Variants in CCDC172 observed in about 807,000 individuals in gnomAD.
CCDC172 encodes the protein coiled-coil domain containing 172, also known as coiled-coil domain-containing protein 172.
CCDC172 carries 30 observed loss-of-function variants against 38.0 expected under a neutral mutation model. The observed-to-expected ratio is 0.79, with a 90% CI of 0.59 to 1.07. The LOEUF is 1.07. Ranked by LOEUF, CCDC172 falls within the 50% of genes least tolerant of loss-of-function variation. The probability of loss-of-function intolerance (pLI) is 0.00; values close to 1 mark genes in which losing one functional copy is unlikely to be tolerated. For missense variants in CCDC172, 297 were observed against 290.1 expected, an observed-to-expected ratio of 1.02 and a Z score of -0.17; for synonymous variants, 78 against 88.3, an observed-to-expected ratio of 0.88 and a Z score of 0.66.
chr10:116,351,755 A>C (rs1317041696), intron 5 of CCDC172, among the ~76,000 whole-genome samples: 2 of 152,222 alleles, frequency 1.3e-5, no homozygotes, highest in African/African-American at 4.8e-5. Flanking sequence ...AGGGAAACAA[A>C]TGAGGTAAGC....
intron 7 of CCDC172, among the ~76,000 whole-genome samples, chr10:116,376,086 G>A (rs1372426753): frequency 6.6e-6 from 1 of 152,200 alleles, no homozygotes; most frequent in African/African-American, 2.4e-5. Context: ...TATGTTTATT[G>A]TAGCACTGTT....
At chr10:116,346,663 A>AAG (rs1239548582) in intron 5 of CCDC172, among the ~76,000 whole-genome samples, 2 of 151,904 alleles carry the variant, frequency 1.3e-5, no homozygotes, top group Non-Finnish European at 2.9e-5. Context: ...TAAGAAAAAA[A>AAG]AAAGTCCCTG....
intron 5 of CCDC172, among the ~76,000 whole-genome samples, chr10:116,351,620 C>T (rs1038861229): frequency 5.3e-5 from 8 of 152,026 alleles, no homozygotes; most frequent in Non-Finnish European, 7.4e-5. Context: ...TTTTACGTAT[C>T]GTCATGAGGA....
intron 3 of CCDC172, among the ~76,000 whole-genome samples, chr10:116,338,484 G>A (rs950156015): frequency 6.6e-6 from 1 of 152,072 alleles, no homozygotes; most frequent in Admixed American, 6.6e-5. Flanking sequence ...ACTTAAAATG[G>A]ATGATTTACA....
intron 3 of CCDC172, among the ~76,000 whole-genome samples, chr10:116,326,937 G>A (rs1844600148): frequency 6.6e-6 from 1 of 152,130 alleles, no homozygotes. Context: ...GAAAGCTGGT[G>A]GTATGGGCAA....
intron 1 of CCDC172, 99 bp from the exon 2 acceptor site, chr10:116,324,848 C>T (rs1844569434): frequency 3.2e-6 from 2 of 627,436 alleles, no homozygotes; most frequent in Admixed American, 2.7e-5. Context: ...CGTCTGGCGT[C>T]GGGCTCCATC....
chr10:116,375,583 A>T (rs891221135), intron 7 of CCDC172, among the ~76,000 whole-genome samples: 4 of 151,874 alleles, frequency 2.6e-5, no homozygotes, highest in Non-Finnish European at 5.9e-5. Flanking sequence ...GCTGAAAATC[A>T]TGGTTTCCAG....
chr10:116,338,003 A>G (rs1225208471), intron 3 of CCDC172, among the ~76,000 whole-genome samples: 1 of 152,194 alleles, frequency 6.6e-6, no homozygotes, highest in Non-Finnish European at 1.5e-5. Flanking sequence ...GTGAAAAGCT[A>G]TTTTATTTCT....
At chr10:116,361,836 A>C (rs545124979) in intron 7 of CCDC172, among the ~76,000 whole-genome samples, 1 of 152,126 alleles carries the variant, frequency 6.6e-6, no homozygotes, top group East Asian at 1.9e-4. Context: ...ATGTTTTCAA[A>C]CTCTTTCAAG....
intron 7 of CCDC172, among the ~76,000 whole-genome samples, chr10:116,368,707 T>G (rs961308270): frequency 6.6e-6 from 1 of 152,036 alleles, no homozygotes; most frequent in Non-Finnish European, 1.5e-5. Context: ...TTGGGAATAG[T>G]ATTTAGAAAT....
chr10:116,340,108 A>G (rs1184053368), intron 3 of CCDC172, among the ~76,000 whole-genome samples: 2 of 151,902 alleles, frequency 1.3e-5, no homozygotes, highest in African/African-American at 4.8e-5. Context: ...GTTATTTTTT[A>G]AGTTCCAAAT....
At chr10:116,342,818 G>C (rs1164915974) in intron 5 of CCDC172, among the ~76,000 whole-genome samples, 2 of 152,070 alleles carry the variant, frequency 1.3e-5, no homozygotes, top group Non-Finnish European at 2.9e-5. Context: ...AGCACCTCCT[G>C]CTTCTCTCTG....
chr10:116,329,049 C>T (rs1193855524), intron 3 of CCDC172, among the ~76,000 whole-genome samples: 1 of 152,170 alleles, frequency 6.6e-6, no homozygotes, highest in Non-Finnish European at 1.5e-5. Flanking sequence ...AATTATATAA[C>T]ACCTTCCTTC....
intron 3 of CCDC172, among the ~76,000 whole-genome samples, chr10:116,327,727 C>T (rs1167306556): frequency 6.6e-6 from 1 of 151,972 alleles, no homozygotes; most frequent in Non-Finnish European, 1.5e-5. Context: ...ACAGTTCATA[C>T]AATACTAATT....
chr10:116,378,982 G>T (rs1432734186), intron 8 of CCDC172, among the ~76,000 whole-genome samples: 1 of 152,174 alleles, frequency 6.6e-6, no homozygotes, highest in South Asian at 2.1e-4. Context: ...TTTTCAGATT[G>T]TGTAGGAGCA....
intron 5 of CCDC172, among the ~76,000 whole-genome samples, chr10:116,349,576 T>C (rs1011611428): frequency 1.3e-5 from 2 of 152,216 alleles, no homozygotes; most frequent in Admixed American, 1.3e-4. Flanking sequence ...TATGATTATT[T>C]GATTCCTGTC....
intron 3 of CCDC172, among the ~76,000 whole-genome samples, chr10:116,332,738 GGTTT>G (rs1844680186): frequency 1.3e-5 from 2 of 151,498 alleles, no homozygotes; most frequent in Admixed American, 1.3e-4. Context: ...GTACAGATAT[GGTTT>G]TTTTTTTCTG....
At chr10:116,325,209 G>A (rs1844575888) in intron 2 of CCDC172, 94 bp from the exon 3 acceptor site, 4 of 1,462,210 alleles carry the variant, frequency 2.7e-6, no homozygotes, top group Non-Finnish European at 3.8e-6. Context: ...ATGCCATGCT[G>A]AGGGAAAGAC....
At chr10:116,347,770 A>T (rs2134933905) in intron 5 of CCDC172, among the ~76,000 whole-genome samples, 1 of 152,224 alleles carries the variant, frequency 6.6e-6, no homozygotes, top group Middle Eastern at 3.4e-3. Context: ...CAAAGACAAA[A>T]TTGTCATTAG....
Sources: allele counts gnomAD v4.1 joint callset (sites outside exome capture counted in the v4.1 genomes callset), GRCh38; gene constraint gnomAD v4.1.1; transcripts MANE v1.5; gene names NCBI Gene and HGNC (gene_info 2026-07-23, HGNC 2026-07-21).